Variants in CNTNAP2 observed in about 807,000 individuals in gnomAD.
The protein encoded by CNTNAP2 is contactin-associated protein-like 2.
In CNTNAP2, 98 loss-of-function variants were observed where a neutral mutation model predicts 155.2. That is an observed-to-expected ratio of 0.63 (90% confidence interval 0.54 to 0.75). The LOEUF (loss-of-function observed/expected upper bound fraction) is 0.75, where lower values mean the gene tolerates loss of function less well. Ranked by LOEUF, CNTNAP2 falls within the 30% of genes least tolerant of loss-of-function variation. CNTNAP2 has a pLI of 0.00. For synonymous variants in CNTNAP2, 651 were observed against 631.2 expected, an observed-to-expected ratio of 1.03 and a Z score of -0.47; for missense variants, 1,727 against 1,688.1, an observed-to-expected ratio of 1.02 and a Z score of -0.40.
chr7:147,258,739 C>G (rs1804386919), intron 8 of CNTNAP2, among the ~76,000 whole-genome samples: 5 of 152,140 alleles, frequency 3.3e-5, no homozygotes, highest in Admixed American at 3.3e-4. Context: ...GTTAAGTGAC[C>G]TCCTAAACTT....
intron 3 of CNTNAP2, among the ~76,000 whole-genome samples, chr7:146,929,034 G>A (rs1368155699): frequency 6.6e-6 from 1 of 152,208 alleles, no homozygotes; most frequent in Non-Finnish European, 1.5e-5. Context: ...AAAGACAGCA[G>A]TAACCTCTGC....
intron 14 of CNTNAP2, among the ~76,000 whole-genome samples, chr7:147,922,766 A>G (rs1800306859): frequency 6.6e-6 from 1 of 152,204 alleles, no homozygotes; most frequent in African/African-American, 2.4e-5. Flanking sequence ...CTTTATGCAG[A>G]AACAGCAACA....
chr7:147,356,150 T>C (rs1796058781), intron 9 of CNTNAP2, among the ~76,000 whole-genome samples: 1 of 152,186 alleles, frequency 6.6e-6, no homozygotes. Flanking sequence ...TCAATAAATG[T>C]AATCCATCAC....
At position 146,380,784 on chromosome 7, in the gene CNTNAP2, CTTTTTTTTTTTTTTTTT is replaced by C. The variant is rs56886106; in HGVS notation, c.97+263828_97+263844del. Among the ~76,000 whole-genome samples, 162 of 38,832 alleles carry C rather than the reference CTTTTTTTTTTTTTTTTT, an allele frequency of 4.2e-3. 1 individual carries two copies. The highest frequency in any genetic ancestry group is 0.012 in the African/African-American group (149 of 12,780). 25.5% of individuals were successfully genotyped at this position (38,832 alleles called of 152,430 possible). A position where few individuals can be genotyped will look rare whatever the true frequency, so the allele number is the denominator to read the frequency against. On this transcript the variant is annotated intron_variant, in intron 1 of 23. Transcript: ENST00000361727. ...ATATTTCTTGCTTCTTATGCACGTT[CTTTTTTTTTTTTTTTTT>C]TTTTTTTTTTTTTTTTGAGACGGAG...
At chr7:146,182,579 C>G (rs1584790660) in intron 1 of CNTNAP2, among the ~76,000 whole-genome samples, 1 of 152,258 alleles carries the variant, frequency 6.6e-6, no homozygotes, top group East Asian at 1.9e-4. Context: ...GTTTATGCAT[C>G]TTTTCTTATC....
At chr7:147,585,419 A>G (rs1800599087) in intron 12 of CNTNAP2, among the ~76,000 whole-genome samples, 1 of 149,450 alleles carries the variant, frequency 6.7e-6, no homozygotes, top group Non-Finnish European at 1.5e-5. Context: ...ATAAAATTAT[A>G]TATAAATATA....
chr7:147,376,415 G>A (rs989478660), intron 9 of CNTNAP2, among the ~76,000 whole-genome samples: 7 of 151,978 alleles, frequency 4.6e-5, no homozygotes, highest in Non-Finnish European at 1.5e-5. Flanking sequence ...TTTCATCGAG[G>A]AAGTAGGGTT....
At chr7:148,379,427 G>T (rs1215771743) in intron 21 of CNTNAP2, among the ~76,000 whole-genome samples, 3 of 151,814 alleles carry the variant, frequency 2.0e-5, no homozygotes, top group African/African-American at 7.3e-5. Context: ...ATCCAGGCTG[G>T]GCACAGTGGC....
rs113137982 is a variant in CNTNAP2, at chr7:147,047,346, T to C, written c.550+3292T>C. On this transcript the variant is annotated intron_variant, in intron 4 of 23. Coordinates refer to ENST00000361727, the MANE Select transcript of CNTNAP2 (RefSeq NM_014141.6). Reference sequence around the variant, plus strand: ...CCATATTAGCCAGGATGGTCTTGATTTGCTGACCTCATGATCCGCCCACCT... The same window carrying C: ...CCATATTAGCCAGGATGGTCTTGATCTGCTGACCTCATGATCCGCCCACCT... 6.1e-3 allele frequency among the ~76,000 whole-genome samples: 923 copies of C among 150,912 alleles called. 13 individuals carry two copies. The highest frequency in any genetic ancestry group is 0.021 in the African/African-American group (861 of 41,176).
intron 3 of CNTNAP2, among the ~76,000 whole-genome samples, chr7:146,946,046 A>ACC (rs1797163603): frequency 6.6e-6 from 1 of 151,722 alleles, no homozygotes; most frequent in Non-Finnish European, 1.5e-5. Context: ...TTAAAAAGAT[A>ACC]CTGAAAAGGA....
In CNTNAP2 at chr7:146,742,067, T is replaced by TAA. The variant is rs11397176; in HGVS notation, c.98-32192_98-32191dup. ...TCTTGCTTCTCCTTTTAGACTGTGT[T>TAA]AAAAAAAAAAAAAGAAAATTTAAGC... On this transcript the variant is annotated intron_variant, in intron 1 of 23. Coordinates refer to ENST00000361727, the MANE Select transcript of CNTNAP2 (RefSeq NM_014141.6). Among the ~76,000 whole-genome samples the TAA allele has an allele frequency of 2.0e-3, 293 of 146,702 alleles. 1 individual carries two copies. The highest frequency in any genetic ancestry group is 3.1e-3 in the Admixed American group (46 of 14,704).
At chr7:146,622,696 C>A (rs1317498200) in intron 1 of CNTNAP2, among the ~76,000 whole-genome samples, 1 of 152,140 alleles carries the variant, frequency 6.6e-6, no homozygotes, top group Non-Finnish European at 1.5e-5. Flanking sequence ...GTGGCTCATG[C>A]CTGTAATCCT....
chr7:146,425,519 A>T (rs566899658), intron 1 of CNTNAP2, among the ~76,000 whole-genome samples: 1 of 152,208 alleles, frequency 6.6e-6, no homozygotes, highest in South Asian at 2.1e-4. Flanking sequence ...CCATCCATGT[A>T]TTTTAGTACA....
intron 13 of CNTNAP2, among the ~76,000 whole-genome samples, chr7:147,853,470 T>C (rs1167755210): frequency 1.3e-5 from 2 of 151,558 alleles, no homozygotes; most frequent in Non-Finnish European, 3.0e-5. Context: ...CCTATTTATT[T>C]ATCTCCTACA....
At chr7:147,004,189 A>G (rs1348070733) in intron 3 of CNTNAP2, among the ~76,000 whole-genome samples, 1 of 149,738 alleles carries the variant, frequency 6.7e-6, no homozygotes, top group East Asian at 1.9e-4. Flanking sequence ...ATTCAATAAT[A>G]TTAAAACTTA....
At chr7:148,316,933 G>T (rs1348622916) in intron 21 of CNTNAP2, among the ~76,000 whole-genome samples, 1 of 152,172 alleles carries the variant, frequency 6.6e-6, no homozygotes, top group African/African-American at 2.4e-5. Context: ...GAATAGTTCA[G>T]CCTCATTTGG....
At chr7:147,663,237 C>T (rs942947867) in intron 13 of CNTNAP2, among the ~76,000 whole-genome samples, 1 of 152,210 alleles carries the variant, frequency 6.6e-6, no homozygotes, top group Non-Finnish European at 1.5e-5. Context: ...ACCTCGTGAT[C>T]CACCCGCCTT....
At chr7:146,648,794 A>G (rs909311960) in intron 1 of CNTNAP2, among the ~76,000 whole-genome samples, 1 of 152,126 alleles carries the variant, frequency 6.6e-6, no homozygotes, top group African/African-American at 2.4e-5. Context: ...AATTTATTGG[A>G]AGCAAATTAA....
chr7:147,752,173 T>A (rs1797146718), intron 13 of CNTNAP2, among the ~76,000 whole-genome samples: 1 of 152,218 alleles, frequency 6.6e-6, no homozygotes, highest in Non-Finnish European at 1.5e-5. Flanking sequence ...GATACGTAAC[T>A]GACTTCCTTT....
Sources: allele counts gnomAD v4.1 joint callset (sites outside exome capture counted in the v4.1 genomes callset), GRCh38; gene constraint gnomAD v4.1.1; transcripts MANE v1.5; gene names NCBI Gene and HGNC (gene_info 2026-07-23, HGNC 2026-07-21).